Variants in CSMD1 observed in about 807,000 individuals in gnomAD.
CSMD1 encodes CUB and Sushi multiple domains 1, also known as CUB and sushi domain-containing protein 1.
CSMD1 carries 213 observed loss-of-function variants against 417.5 expected under a neutral mutation model. The ratio of observed to expected loss-of-function variants is 0.51; its 90% CI spans 0.46 to 0.57. CSMD1 has a LOEUF of 0.57. Among genes scored for constraint, CSMD1 ranks in the 20% least tolerant of loss-of-function variants. The probability of loss-of-function intolerance (pLI) is 0.00; values close to 1 mark genes in which losing one functional copy is unlikely to be tolerated. For missense variants in CSMD1, 6,923 were observed against 4,529.7 expected, an observed-to-expected ratio of 1.53 and a Z score of -15.17; for synonymous variants, 2,862 against 1,736.8, an observed-to-expected ratio of 1.65 and a Z score of -16.11.
intron 21 of CSMD1, 101 bp downstream of exon 21, chr8:3,359,051 T>G (rs1428941878): frequency 3.6e-6 from 4 of 1,103,862 alleles, no homozygotes; most frequent in Non-Finnish European, 4.0e-6. Context: ...CTCTCCTTCC[T>G]TGTCAACAAA....
chr8:3,502,256 T>TCGGGAGGCTGAGG (rs199727566), intron 10 of CSMD1, among the ~76,000 whole-genome samples: 2,265 of 150,754 alleles, frequency 0.015, 56 homozygotes, highest in African/African-American at 0.052. Context: ...TCCCAGCTAC[T>TCGGGAGGCTGAGG]CGGGAGGCTG....
intron 1 of CSMD1, among the ~76,000 whole-genome samples, chr8:4,897,530 A>G (rs1804577110): frequency 2.6e-5 from 4 of 152,078 alleles, no homozygotes; most frequent in African/African-American, 9.7e-5. Flanking sequence ...CGGTGACAAA[A>G]TTAAACTATG....
intron 49 of CSMD1, among the ~76,000 whole-genome samples, chr8:3,081,128 T>A (rs1048434452): frequency 6.6e-6 from 1 of 152,130 alleles, no homozygotes; most frequent in Non-Finnish European, 1.5e-5. Context: ...ATCCACATGG[T>A]TTATAAGATT....
At chr8:3,583,867 T>A (rs1425497292) in intron 9 of CSMD1, among the ~76,000 whole-genome samples, 1 of 151,798 alleles carries the variant, frequency 6.6e-6, no homozygotes, top group East Asian at 1.9e-4. Flanking sequence ...GGGTTTCTTA[T>A]CCATCTTATC....
intron 51 of CSMD1, among the ~76,000 whole-genome samples, chr8:3,027,034 A>G (rs1230271382): frequency 6.6e-6 from 1 of 152,228 alleles, no homozygotes; most frequent in Non-Finnish European, 1.5e-5. Flanking sequence ...GTCACACACT[A>G]CGACATCTAA....
intron 3 of CSMD1, among the ~76,000 whole-genome samples, chr8:4,304,982 T>G (rs1798167479): frequency 6.6e-6 from 1 of 152,202 alleles, no homozygotes; most frequent in Admixed American, 6.5e-5. Flanking sequence ...TGGATGGTAA[T>G]GCCAATGCCT....
At chr8:3,148,531 C>T (rs78668364) in intron 40 of CSMD1, among the ~76,000 whole-genome samples, 14,808 of 152,200 alleles carry the variant, frequency 0.097, 919 homozygotes, top group African/African-American at 0.18. Context: ...TGCTTTAAAA[C>T]TCATGTGCAT....
chr8:4,174,575 C>G (rs922132162), intron 3 of CSMD1, among the ~76,000 whole-genome samples: 5 of 150,300 alleles, frequency 3.3e-5, no homozygotes, highest in Middle Eastern at 3.5e-3. Context: ...TGCATGCACT[C>G]TGGCTGGGAT....
At chr8:3,057,810 T>C (rs1354373564) in intron 49 of CSMD1, among the ~76,000 whole-genome samples, 1 of 152,234 alleles carries the variant, frequency 6.6e-6, no homozygotes, top group Non-Finnish European at 1.5e-5. Context: ...ATTTTAAATC[T>C]ATCAGATTAG....
At chr8:3,541,941 A>G (rs545450651) in intron 10 of CSMD1, among the ~76,000 whole-genome samples, 2 of 152,120 alleles carry the variant, frequency 1.3e-5, no homozygotes, top group South Asian at 2.1e-4. Flanking sequence ...TTGTACACCC[A>G]GGAGGTGGAG....
At chr8:3,318,247 G>T (rs1412689855) in intron 23 of CSMD1, among the ~76,000 whole-genome samples, 1 of 151,832 alleles carries the variant, frequency 6.6e-6, no homozygotes, top group African/African-American at 2.4e-5. Flanking sequence ...TTTTGCTTTT[G>T]TTCCAATTTT....
intron 5 of CSMD1, among the ~76,000 whole-genome samples, chr8:3,836,758 T>C (rs898783080): frequency 2.0e-5 from 3 of 152,156 alleles, no homozygotes; most frequent in East Asian, 3.9e-4. Context: ...GGCAAAAAAA[T>C]GTATTTTCTC....
chr8:3,677,013 G>T (rs533376680), intron 7 of CSMD1, among the ~76,000 whole-genome samples: 2 of 152,038 alleles, frequency 1.3e-5, no homozygotes, highest in Non-Finnish European at 1.5e-5. Flanking sequence ...CGGGGTTGGG[G>T]GCAAGGGGAG....
chr8:2,951,851 G>A (rs1394468935), intron 65 of CSMD1, among the ~76,000 whole-genome samples: 2 of 152,098 alleles, frequency 1.3e-5, no homozygotes, highest in East Asian at 3.8e-4. Context: ...ATACTCTTCT[G>A]TTCTTCTTTA....
At chr8:4,489,103 G>T (rs1459900747) in intron 2 of CSMD1, among the ~76,000 whole-genome samples, 5 of 152,074 alleles carry the variant, frequency 3.3e-5, no homozygotes, top group African/African-American at 9.7e-5. Flanking sequence ...GTAGAGACGG[G>T]GTTTCACCAT....
chr8:3,929,427 G>C (rs964066588), intron 5 of CSMD1, among the ~76,000 whole-genome samples: 2 of 150,414 alleles, frequency 1.3e-5, no homozygotes, highest in African/African-American at 2.5e-5. Context: ...CCCCACATGA[G>C]AAGTGGGTCC....
chr8:4,135,554 A>C (rs966487983), intron 3 of CSMD1, among the ~76,000 whole-genome samples: 8 of 152,350 alleles, frequency 5.3e-5, no homozygotes, highest in African/African-American at 1.7e-4. Flanking sequence ...TTGGAAACAA[A>C]TATTAAATAA....
intron 2 of CSMD1, among the ~76,000 whole-genome samples, chr8:4,501,641 G>GCCATCCCACT (rs1802263333): frequency 6.6e-6 from 1 of 152,080 alleles, no homozygotes; most frequent in Non-Finnish European, 1.5e-5. Flanking sequence ...TCTGACTAGC[G>GCCATCCCACT]CCATCCCACT....
chr8:4,603,940 C>A (rs1021363133), intron 2 of CSMD1, among the ~76,000 whole-genome samples: 2 of 151,974 alleles, frequency 1.3e-5, no homozygotes, highest in African/African-American at 4.8e-5. Flanking sequence ...TAAATGATCA[C>A]TAATGTACAT....
Sources: allele counts gnomAD v4.1 joint callset (sites outside exome capture counted in the v4.1 genomes callset), GRCh38; gene constraint gnomAD v4.1.1; transcripts MANE v1.5; gene names NCBI Gene and HGNC (gene_info 2026-07-23, HGNC 2026-07-21).